The following USP31 variants were observed in gnomAD, a reference collection of about 807,000 sequenced individuals.
USP31 encodes the protein ubiquitin carboxyl-terminal hydrolase 31.
Under a neutral mutation model 119.4 loss-of-function variants are expected in USP31, and 44 were observed. The ratio of observed to expected loss-of-function variants is 0.37; its 90% confidence interval spans 0.29 to 0.47. USP31 has a LOEUF of 0.47. Among genes scored for constraint, USP31 ranks in the 20% least tolerant of loss-of-function variants. USP31 has a pLI of 0.99. For synonymous variants in USP31, 749 were observed against 705.6 expected (o/e 1.06, Z -0.97); for missense variants, 1,643 against 1,730.2 (o/e 0.95, Z 0.89).
At chr16:23,129,622 C>T (rs1902965391) in intron 1 of USP31, among the ~76,000 whole-genome samples, 1 of 152,158 alleles carries the variant, frequency 6.6e-6, no homozygotes, top group Non-Finnish European at 1.5e-5. Context: ...GCAGGTTCAT[C>T]GTACTGCTCT....
chr16:23,136,771 A>G (rs1478934660), intron 1 of USP31, among the ~76,000 whole-genome samples: 3 of 152,244 alleles, frequency 2.0e-5, no homozygotes, highest in Non-Finnish European at 4.4e-5. Flanking sequence ...TAGAATATAT[A>G]AAGAACTCTT....
chr16:23,138,823 T>C (rs1331236864), intron 1 of USP31, among the ~76,000 whole-genome samples: 3 of 152,154 alleles, frequency 2.0e-5, no homozygotes, highest in Admixed American at 2.0e-4. Flanking sequence ...GAGCAGGTAT[T>C]GTTTCTTCAG....
In USP31 at chr16:23,066,460, G is replaced by A. The variant is rs543281643; in HGVS notation, c.*1586C>T. ...AGAATTCACAGCTATGCATGCATATGTGTTGTAGTTAATTCACACACAGCA... is the reference window on the plus strand; with the variant it reads ...AGAATTCACAGCTATGCATGCATATATGTTGTAGTTAATTCACACACAGCA... On this transcript the variant is annotated 3_prime_UTR_variant, in exon 16 of 16. Coordinates refer to ENST00000219689, the MANE Select transcript of USP31 (RefSeq NM_020718.4). 3 of 152,410 alleles carry A rather than the reference G, an allele frequency of 2.0e-5. No homozygotes were observed. The highest frequency in any genetic ancestry group is 4.4e-5 in the Non-Finnish European group (3 of 68,030). 9.4% of individuals were successfully genotyped at this position (152,410 alleles called of 1,614,324 possible). A position where few individuals can be genotyped will look rare whatever the true frequency, so the allele number is the denominator to read the frequency against.
chr16:23,105,849 A>G (rs1294996147), intron 4 of USP31, among the ~76,000 whole-genome samples: 1 of 152,230 alleles, frequency 6.6e-6, no homozygotes, highest in African/African-American at 2.4e-5. Flanking sequence ...TTTTCTTTAG[A>G]ACAGCATAAC....
Position 23,149,202 on chromosome 16 carries a change from G to T in USP31, c.69C>A (p.Phe23Leu). 1 of 1,155,288 alleles carries T rather than the reference G, an allele frequency of 8.7e-7. No homozygotes were observed. The highest frequency in any genetic ancestry group is 3.6e-4 in the Middle Eastern group (1 of 2,798). The allele number at this position is 1,155,288 out of a possible 1,614,324, so 71.6% of individuals were successfully genotyped here. The change falls in exon 1 of 16, where the codon TTC becomes TTA. Residue 23 changes from phenylalanine (F) to leucine (L), a missense_variant. Physicochemically the swap from Phe to Leu is conservative, Grantham distance 22. Around this residue, in one of 5 missense-constraint regions of USP31, gnomAD observed 302 missense variants for 262.6 expected, o/e 1.15. Transcript: ENST00000219689. ...AAASGKEKRS[F>L]SKRLFRSGRA... ...GGCCGCTCCGAAACAGCCGCTTGCT[G>T]AAGGAGCGCTTCTCCTTCCCGCTCG...
chr16:23,112,184 ATGAT>A (rs1902339142), intron 1 of USP31, among the ~76,000 whole-genome samples: 1 of 152,196 alleles, frequency 6.6e-6, no homozygotes, highest in Non-Finnish European at 1.5e-5. Flanking sequence ...AGGAACAGGC[ATGAT>A]GGGAAGTCTT....
intron 1 of USP31, among the ~76,000 whole-genome samples, chr16:23,117,000 T>A (rs916453668): frequency 1.3e-5 from 2 of 152,226 alleles, no homozygotes; most frequent in Non-Finnish European, 2.9e-5. Context: ...TTTTTTTCGA[T>A]TTCTAATTAT....
intron 13 of USP31, among the ~76,000 whole-genome samples, chr16:23,074,786 C>T (rs1596685308): frequency 6.6e-6 from 1 of 152,130 alleles, no homozygotes; most frequent in Non-Finnish European, 1.5e-5. Flanking sequence ...CAAAAACAGA[C>T]GAAAACTTAA....
In USP31 at chr16:23,149,421, C is replaced by A. The variant is rs1184127315; in HGVS notation, c.-151G>T. 1 of 922,984 alleles carries A rather than the reference C, an allele frequency of 1.1e-6. No homozygotes were observed. The highest frequency in any genetic ancestry group is 6.3e-5 in the Admixed American group (1 of 15,884). 57.2% of individuals were successfully genotyped at this position (922,984 alleles called of 1,614,324 possible). ...AAGCGCAGCCGAGCCAGCGAGCGAGCGGCGGCCGGCGGGGCCAGCGGGCGC... is the reference window on the plus strand; with the variant it reads ...AAGCGCAGCCGAGCCAGCGAGCGAGAGGCGGCCGGCGGGGCCAGCGGGCGC... On this transcript the variant is annotated 5_prime_UTR_variant, in exon 1 of 16. Transcript: ENST00000219689.
At chr16:23,101,970 T>TAAAAAA (rs34773118) in intron 6 of USP31, among the ~76,000 whole-genome samples, 3 of 85,526 alleles carry the variant, frequency 3.5e-5, no homozygotes, top group African/African-American at 4.6e-5. Context: ...TAGCAAAATT[T>TAAAAAA]AAAAAAAAAA....
chr16:23,110,138 G>A (rs922538321), intron 1 of USP31, among the ~76,000 whole-genome samples: 8 of 152,214 alleles, frequency 5.3e-5, no homozygotes, highest in Non-Finnish European at 1.0e-4. Flanking sequence ...GTTGGGCTTC[G>A]TGGAAACTCT....
At chr16:23,133,043 T>A (rs940635245) in intron 1 of USP31, among the ~76,000 whole-genome samples, 1 of 152,180 alleles carries the variant, frequency 6.6e-6, no homozygotes, top group African/African-American at 2.4e-5. Flanking sequence ...CTATGAAGCA[T>A]GTGACTGCCC....
At chr16:23,105,186 T>C (rs957761168) in intron 5 of USP31, among the ~76,000 whole-genome samples, 2 of 152,222 alleles carry the variant, frequency 1.3e-5, no homozygotes, top group Admixed American at 6.5e-5. Context: ...TTATACCTTA[T>C]GAACAAAGCT....
chr16:23,120,775 G>GGT (rs1238698432), intron 1 of USP31, among the ~76,000 whole-genome samples: 3 of 152,196 alleles, frequency 2.0e-5, no homozygotes, highest in Admixed American at 1.3e-4. Context: ...TTCGCTGAGT[G>GGT]GTGCTCCTCT....
intron 6 of USP31, among the ~76,000 whole-genome samples, chr16:23,096,487 C>G (rs1290509363): frequency 6.6e-6 from 1 of 152,106 alleles, no homozygotes; most frequent in Admixed American, 6.6e-5. Context: ...CTGCACCAAG[C>G]AGACCTAATA....
chr16:23,122,054 G>A (rs1383909046), intron 1 of USP31, among the ~76,000 whole-genome samples: 1 of 152,122 alleles, frequency 6.6e-6, no homozygotes, highest in African/African-American at 2.4e-5. Context: ...CTGGATATAT[G>A]GTTTGATATC....
chr16:23,104,357 A>C (rs1461844285), intron 5 of USP31, among the ~76,000 whole-genome samples: 1 of 152,226 alleles, frequency 6.6e-6, no homozygotes, highest in Non-Finnish European at 1.5e-5. Flanking sequence ...GCAAACTTGT[A>C]ATTATTTCAC....
Position 23,079,690 on chromosome 16 carries a change from T to C in USP31, c.2176+256A>G, listed in dbSNP as rs534688146. On this transcript the variant is annotated intron_variant, in intron 13 of 15. Coordinates refer to ENST00000219689, the MANE Select transcript of USP31 (RefSeq NM_020718.4). ...AGGTAAACAAAGAGCAAATCCTCAG[T>C]TGACCAGACAATGCCATCTGCACAT... The C allele has an allele frequency of 6.3e-4, 225 of 356,690 alleles. 6 individuals are homozygous for C. In the South Asian group the frequency reaches 0.025, roughly 39 times the overall value. The allele number at this position is 356,690 out of a possible 1,614,324, so 22.1% of individuals were successfully genotyped here.
rs772548227 is a variant in USP31, at chr16:23,069,573, C to A, written c.2532G>T (p.Gln844His). Residue 844 changes from glutamine (Q) to histidine (H), a missense_variant, in exon 16 of 16, where the codon CAG becomes CAT. Physicochemically the swap from Gln to His is conservative, Grantham distance 24. Coordinates refer to ENST00000219689, the MANE Select transcript of USP31 (RefSeq NM_020718.4). ...TGACAGAAGATCTGGATGACAAACT[C>A]TGACGCTGGACACTTCTCACAAATG... The part of the protein sequence containing the change: ...TRPFVRSVQR[Q>H]SLSSRSSVTS... 9.9e-6 allele frequency: 16 copies of A among 1,613,566 alleles called. No individual in the cohort carries two copies. Among genetic ancestry groups the A allele is most frequent in the Admixed American group, 3.3e-5 (2 of 60,008 alleles).
Sources: gnomAD v4.1 joint callset for allele counts (sites outside exome capture counted in the v4.1 genomes callset) on GRCh38, gnomAD v4.1.1 for gene constraint, gnomAD v4.1.1 regional missense constraint, MANE v1.5 for transcripts, NCBI Gene and HGNC (gene_info 2026-07-23, HGNC 2026-07-21) for gene names.